CDH13: variants seen among roughly 807,000 people sequenced by gnomAD.
The protein encoded by CDH13 is cadherin-13.
A neutral mutation model predicts 63.8 loss-of-function variants in CDH13; 24 were observed. The ratio of observed to expected loss-of-function variants is 0.38; its 90% confidence interval spans 0.27 to 0.53. CDH13 has a LOEUF of 0.53. CDH13 is among the 20% of genes least tolerant of loss of function. CDH13 has a pLI of 0.85. For synonymous variants in CDH13, 503 were observed against 355.3 expected, an observed-to-expected ratio of 1.42 and a Z score of -4.67; for missense variants, 1,049 against 903.1, an observed-to-expected ratio of 1.16 and a Z score of -2.07.
intron 7 of CDH13, among the ~76,000 whole-genome samples, chr16:83,500,761 G>A (rs1262515710): frequency 6.7e-6 from 1 of 150,054 alleles, no homozygotes; most frequent in South Asian, 2.1e-4. Context: ...TTTTATTTTT[G>A]TGGAGACGGG....
At chr16:83,075,481 G>A (rs904163815) in intron 3 of CDH13, among the ~76,000 whole-genome samples, 30 of 152,176 alleles carry the variant, frequency 2.0e-4, no homozygotes, top group Non-Finnish European at 3.1e-4. Context: ...AATGGCCTAG[G>A]CAGAGTCTGA....
chr16:82,717,421 G>A (rs1460898599), intron 1 of CDH13, among the ~76,000 whole-genome samples: 2 of 133,918 alleles, frequency 1.5e-5, no homozygotes, highest in Non-Finnish European at 3.1e-5. Flanking sequence ...GGGCGACAGA[G>A]TGAGACTTTG....
chr16:83,082,093 C>T lies in CDH13; in HGVS notation c.367-43292C>T, dbSNP rs1003046304. Among the ~76,000 whole-genome samples, 7 of 152,218 alleles carry T rather than the reference C, an allele frequency of 4.6e-5. No individual in the cohort carries two copies. The South Asian group carries it at 8.3e-4, about 18-fold the overall frequency. Reference sequence around the variant, plus strand: ...GGGATTACAGGCCTGAGCCACTGTGCCCGGCCACCTAATTACTTCTTAATG... The same window carrying T: ...GGGATTACAGGCCTGAGCCACTGTGTCCGGCCACCTAATTACTTCTTAATG... On this transcript the variant is annotated intron_variant, in intron 3 of 13. Coordinates refer to ENST00000567109, the MANE Select transcript of CDH13 (RefSeq NM_001257.5).
chr16:83,335,907 G>A (rs568425916), intron 5 of CDH13, among the ~76,000 whole-genome samples: 2 of 152,196 alleles, frequency 1.3e-5, no homozygotes, highest in South Asian at 2.1e-4. Flanking sequence ...GAATCTTGCC[G>A]ATGCCCCCGG....
intron 7 of CDH13, among the ~76,000 whole-genome samples, chr16:83,516,652 G>A (rs1455702744): frequency 1.3e-5 from 2 of 152,124 alleles, no homozygotes; most frequent in African/African-American, 4.8e-5. Context: ...ATTTATAAAG[G>A]CAATGATCAG....
At chr16:82,803,006 C>T (rs933804544) in intron 1 of CDH13, among the ~76,000 whole-genome samples, 11 of 152,162 alleles carry the variant, frequency 7.2e-5, no homozygotes, top group East Asian at 3.9e-4. Flanking sequence ...CAACCCTGTT[C>T]GGTTTTCTTC....
chr16:83,707,833 A>T (rs1212550124), intron 10 of CDH13, among the ~76,000 whole-genome samples: 1 of 115,616 alleles, frequency 8.6e-6, no homozygotes, highest in Non-Finnish European at 1.8e-5. Flanking sequence ...GAGACCCTAA[A>T]GGCAAAAAAA....
intron 3 of CDH13, among the ~76,000 whole-genome samples, chr16:83,034,297 A>G (rs1427078189): frequency 1.3e-5 from 2 of 152,172 alleles, no homozygotes; most frequent in East Asian, 1.9e-4. Context: ...CCTATCTGCC[A>G]TTCCTGGGCT....
intron 2 of CDH13, among the ~76,000 whole-genome samples, chr16:82,994,837 C>T (rs573283428): frequency 1.3e-5 from 2 of 152,190 alleles, no homozygotes; most frequent in Admixed American, 6.5e-5. Context: ...CTATTAATAC[C>T]TGAGTAAAGT....
At chr16:83,484,042 T>C (rs2073832595) in intron 6 of CDH13, among the ~76,000 whole-genome samples, 1 of 152,212 alleles carries the variant, frequency 6.6e-6, no homozygotes, top group Non-Finnish European at 1.5e-5. Context: ...GAAGTGCACC[T>C]TGAAGCATGT....
intron 10 of CDH13, among the ~76,000 whole-genome samples, chr16:83,689,378 T>C (rs1904623214): frequency 6.6e-6 from 1 of 152,192 alleles, no homozygotes; most frequent in Admixed American, 6.5e-5. Flanking sequence ...ATTTCAGGAT[T>C]GCAACAGAAG....
intron 1 of CDH13, among the ~76,000 whole-genome samples, chr16:82,748,836 A>C (rs2034291363): frequency 6.6e-6 from 1 of 152,144 alleles, no homozygotes; most frequent in Non-Finnish European, 1.5e-5. Context: ...CCCTCCTGCC[A>C]CTGCCTATTT....
At position 83,109,831 on chromosome 16, in the gene CDH13, G is replaced by A. The variant is rs192954106; in HGVS notation, c.367-15554G>A. On this transcript the variant is annotated intron_variant, in intron 3 of 13. Transcript: ENST00000567109. ...CATTATATTCTCATCACCATCACAT[G>A]TGGTTGAACGGGCTTCCGACTAAAG... Among the ~76,000 whole-genome samples the A allele has an allele frequency of 3.3e-5, 5 of 152,312 alleles. No individual in the cohort carries two copies. In the East Asian group the frequency reaches 9.6e-4, roughly 29 times the overall value.
At chr16:83,584,905 TA>T (rs11350717) in intron 7 of CDH13, among the ~76,000 whole-genome samples, 29,885 of 151,768 alleles carry the variant, frequency 0.2, 3,240 homozygotes, top group East Asian at 0.35. Flanking sequence ...AAGCAAGAGA[TA>T]GGGGGAGGTG....
chr16:83,345,514 T>G (rs2090821122), intron 6 of CDH13, among the ~76,000 whole-genome samples: 1 of 152,246 alleles, frequency 6.6e-6, no homozygotes, highest in South Asian at 2.1e-4. Context: ...GGATGTTTGA[T>G]ATCTCTCTCT....
chr16:83,677,165 G>T (rs539724503), intron 9 of CDH13, among the ~76,000 whole-genome samples: 1 of 152,322 alleles, frequency 6.6e-6, no homozygotes, highest in Non-Finnish European at 1.5e-5. Flanking sequence ...TCTGGGAAAT[G>T]CTGCACCCAC....
intron 1 of CDH13, among the ~76,000 whole-genome samples, chr16:82,725,582 G>A (rs1052120981): frequency 3.9e-5 from 6 of 152,152 alleles, no homozygotes; most frequent in African/African-American, 9.7e-5. Context: ...CCTGGCACAT[G>A]GTGACCTCTT....
chr16:82,712,762 G>A lies in CDH13; in HGVS notation c.45+85625G>A, dbSNP rs758666224. ...TGACTGTTCGCATAGCCTTTCCTGG[G>A]ATTACCTCCCAGTTCCAAGTTTGCC... On this transcript the variant is annotated intron_variant, in intron 1 of 13. Coordinates refer to ENST00000567109, the MANE Select transcript of CDH13 (RefSeq NM_001257.5). Among the ~76,000 whole-genome samples, 147 of 152,208 alleles carry A rather than the reference G, an allele frequency of 9.7e-4. 1 individual carries two copies. The highest frequency in any genetic ancestry group is 1.5e-3 in the Non-Finnish European group (101 of 68,014).
chr16:83,454,059 T>A (rs531418842), intron 6 of CDH13, among the ~76,000 whole-genome samples: 14 of 152,340 alleles, frequency 9.2e-5, no homozygotes, highest in Non-Finnish European at 1.6e-4. Context: ...TGTTTCACTG[T>A]CACTATCTGT....
Sources: gnomAD v4.1 joint callset for allele counts (sites outside exome capture counted in the v4.1 genomes callset) on GRCh38, gnomAD v4.1.1 for gene constraint, MANE v1.5 for transcripts, NCBI Gene and HGNC (gene_info 2026-07-23, HGNC 2026-07-21) for gene names.